Variants in GRIK4 observed in about 807,000 individuals in gnomAD.
The protein encoded by GRIK4 is glutamate receptor ionotropic, kainate 4.
GRIK4 carries 40 observed loss-of-function variants against 104.9 expected under a neutral mutation model. The observed-to-expected ratio is 0.38, with a 90% CI of 0.30 to 0.50. The LOEUF is 0.50. Ranked by LOEUF, GRIK4 falls within the 20% of genes least tolerant of loss-of-function variation. The pLI is 0.93. For synonymous variants in GRIK4, 485 were observed against 524.9 expected, an observed-to-expected ratio of 0.92 and a Z score of 1.04; for missense variants, 1,047 against 1,308.1, an observed-to-expected ratio of 0.80 and a Z score of 3.08.
At chr11:120,612,395 T>C (rs778916406) in intron 1 of GRIK4, among the ~76,000 whole-genome samples, 3 of 152,204 alleles carry the variant, frequency 2.0e-5, no homozygotes, top group Non-Finnish European at 2.9e-5. Context: ...GCAAGGATTT[T>C]ACTAAATACT....
intron 13 of GRIK4, among the ~76,000 whole-genome samples, chr11:120,918,959 C>A (rs899777372): frequency 1.3e-5 from 2 of 152,158 alleles, no homozygotes; most frequent in African/African-American, 4.8e-5. Context: ...TATTTCATAA[C>A]CAAGATGCCA....
chr11:120,721,971 G>A (rs1950940588), intron 3 of GRIK4, among the ~76,000 whole-genome samples: 1 of 152,192 alleles, frequency 6.6e-6, no homozygotes, highest in Non-Finnish European at 1.5e-5. Context: ...TTCTCATGGT[G>A]TCTTTTGGAC....
chr11:120,711,225 T>C (rs897524741), intron 3 of GRIK4, among the ~76,000 whole-genome samples: 7 of 152,208 alleles, frequency 4.6e-5, no homozygotes, highest in Admixed American at 4.6e-4. Flanking sequence ...GAGTTATAAA[T>C]GTTCCTTTTA....
intron 2 of GRIK4, among the ~76,000 whole-genome samples, chr11:120,659,880 C>A (rs570521894): frequency 6.6e-6 from 1 of 152,182 alleles, no homozygotes; most frequent in Non-Finnish European, 1.5e-5. Flanking sequence ...TACAGGCATG[C>A]GCCACCATGC....
chr11:120,973,048 C>G (rs560236084), intron 19 of GRIK4, among the ~76,000 whole-genome samples: 12 of 152,258 alleles, frequency 7.9e-5, no homozygotes, highest in Admixed American at 5.9e-4. Context: ...ACCTGAAATA[C>G]ATCCCGGGAA....
chr11:120,870,741 T>G (rs1954584713), intron 9 of GRIK4: 1 of 151,852 alleles, frequency 6.6e-6, no homozygotes, highest in Non-Finnish European at 1.5e-5. Context: ...TTTTTTTTTT[T>G]TTGGTTTTGT....
chr11:120,627,448 C>T (rs1474287198), intron 1 of GRIK4, among the ~76,000 whole-genome samples: 3 of 152,208 alleles, frequency 2.0e-5, no homozygotes, highest in African/African-American at 2.4e-5. Flanking sequence ...AGAGTCTCTG[C>T]GTGCCTCTCT....
At chr11:120,897,479 C>A (rs1054625931) in intron 11 of GRIK4, among the ~76,000 whole-genome samples, 3 of 150,148 alleles carry the variant, frequency 2.0e-5, no homozygotes, top group African/African-American at 7.4e-5. Flanking sequence ...ACCAAAAATA[C>A]AAAAATTAGC....
At position 120,986,300 on chromosome 11, in the gene GRIK4, G is replaced by A; in HGVS notation, c.*40G>A. 1 of 1,010,908 alleles carries A rather than the reference G, an allele frequency of 9.9e-7. No individual in the cohort carries two copies. Among genetic ancestry groups the A allele is most frequent in the Non-Finnish European group, 1.4e-6 (1 of 739,992 alleles). 62.6% of individuals were successfully genotyped at this position (1,010,908 alleles called of 1,614,324 possible). ...GGACGCGCAGAGGCCGGGCGGGGCG[G>A]GAGGGGAGGGGCGGGGCGGGCGCTG... On this transcript the variant is annotated 3_prime_UTR_variant, in exon 21 of 21. Transcript: ENST00000527524.
In GRIK4 at chr11:120,667,059, C is replaced by T. The variant is rs187753034; in HGVS notation, c.82+6659C>T. On this transcript the variant is annotated intron_variant, in intron 3 of 20. Coordinates refer to ENST00000527524, the MANE Select transcript of GRIK4 (RefSeq NM_014619.5). Reference sequence around the variant, plus strand: ...CATACCCGGAGGGGGCCACACAGGTCGGACAGGGATTTCAGCCTCAAATGT... The same window carrying T: ...CATACCCGGAGGGGGCCACACAGGTTGGACAGGGATTTCAGCCTCAAATGT... Among the ~76,000 whole-genome samples the T allele has an allele frequency of 4.6e-5, 7 of 152,258 alleles. No homozygotes were observed. The East Asian group carries it at 5.8e-4, about 13-fold the overall frequency.
At chr11:120,974,605 A>C (rs188008960) in intron 19 of GRIK4, among the ~76,000 whole-genome samples, 2 of 152,354 alleles carry the variant, frequency 1.3e-5, no homozygotes, top group Admixed American at 1.3e-4. Context: ...CAGCTCAAAC[A>C]TTACTGCCAA....
intron 6 of GRIK4, among the ~76,000 whole-genome samples, chr11:120,828,620 G>A (rs1038796465): frequency 3.9e-5 from 6 of 152,190 alleles, no homozygotes; most frequent in Admixed American, 1.3e-4. Context: ...TGGCACTCAT[G>A]TCCCCAGACT....
chr11:120,860,065 G>A (rs896006274), intron 8 of GRIK4, among the ~76,000 whole-genome samples: 1 of 152,226 alleles, frequency 6.6e-6, no homozygotes, highest in Non-Finnish European at 1.5e-5. Context: ...CTGGAGGAAA[G>A]CAATCTTTCT....
intron 1 of GRIK4, among the ~76,000 whole-genome samples, chr11:120,522,102 G>C (rs1393151946): frequency 1.3e-5 from 2 of 152,224 alleles, no homozygotes; most frequent in African/African-American, 2.4e-5. Flanking sequence ...TGAGCCAAGT[G>C]ATAGAGCCGG....
At chr11:120,739,645 C>A (rs959743610) in intron 3 of GRIK4, among the ~76,000 whole-genome samples, 1 of 152,206 alleles carries the variant, frequency 6.6e-6, no homozygotes, top group Non-Finnish European at 1.5e-5. Flanking sequence ...GTTTAGACAT[C>A]TCTTATTTCA....
At chr11:120,684,857 C>T (rs1950251413) in intron 3 of GRIK4, among the ~76,000 whole-genome samples, 1 of 152,160 alleles carries the variant, frequency 6.6e-6, no homozygotes, top group African/African-American at 2.4e-5. Context: ...CTACAGGCGC[C>T]CGCCACCGCG....
At chr11:120,696,805 G>A (rs998333948) in intron 3 of GRIK4, among the ~76,000 whole-genome samples, 1 of 152,074 alleles carries the variant, frequency 6.6e-6, no homozygotes, top group Non-Finnish European at 1.5e-5. Flanking sequence ...CCCCTAGAGG[G>A]CCAGGGCTCT....
At chr11:120,718,399 T>G (rs1172092026) in intron 3 of GRIK4, among the ~76,000 whole-genome samples, 1 of 152,172 alleles carries the variant, frequency 6.6e-6, no homozygotes, top group Non-Finnish European at 1.5e-5. Flanking sequence ...GTTTCCATTT[T>G]CCCTGAGGAC....
intron 1 of GRIK4, among the ~76,000 whole-genome samples, chr11:120,651,588 C>T (rs990422861): frequency 2.0e-5 from 3 of 152,184 alleles, no homozygotes; most frequent in Non-Finnish European, 4.4e-5. Context: ...GGAACGTCCT[C>T]CCCTCAAGTT....
Sources: gnomAD v4.1 joint callset for allele counts (sites outside exome capture counted in the v4.1 genomes callset) on GRCh38, gnomAD v4.1.1 for gene constraint, MANE v1.5 for transcripts, NCBI Gene and HGNC (gene_info 2026-07-23, HGNC 2026-07-21) for gene names.